The following TFCP2L1 variants were observed in gnomAD, a reference collection of about 807,000 sequenced individuals.
The protein encoded by TFCP2L1 is transcription factor CP2-like protein 1.
Under a neutral mutation model 72.2 loss-of-function variants are expected in TFCP2L1, and 12 were observed. The ratio of observed to expected loss-of-function variants is 0.17; its 90% CI spans 0.11 to 0.27. The LOEUF (loss-of-function observed/expected upper bound fraction) is 0.27. Among genes scored for constraint, TFCP2L1 ranks in the 10% least tolerant of loss-of-function variants. The probability of loss-of-function intolerance (pLI) is 1.00; values close to 1 mark genes in which losing one functional copy is unlikely to be tolerated. For synonymous variants in TFCP2L1, 260 were observed against 251.0 expected, an observed-to-expected ratio of 1.04 and a Z score of -0.34; for missense variants, 488 against 624.6, an observed-to-expected ratio of 0.78 and a Z score of 2.33.
rs142530154 is a variant in TFCP2L1 at position 121,221,607 on chromosome 2, C to T, written c.*2734G>A. The T allele has an allele frequency of 3.3e-5, 5 of 151,064 alleles. No homozygotes were observed. The East Asian group carries it at 5.8e-4, about 18-fold the overall frequency. The allele number at this position is 151,064 out of a possible 1,614,324, so 9.4% of individuals were successfully genotyped here. Reference sequence around the variant, plus strand: ...ATCACATCATATATAAAAATATACTCGAAATGGATCAAAGACCATTGTGAG... The same window carrying T: ...ATCACATCATATATAAAAATATACTTGAAATGGATCAAAGACCATTGTGAG... On this transcript the variant is annotated 3_prime_UTR_variant, in exon 15 of 15. Transcript: ENST00000263707.
intron 7 of TFCP2L1, among the ~76,000 whole-genome samples, 172 bp from the exon 8 acceptor site, chr2:121,239,821 G>A (rs936863167): frequency 2.0e-5 from 3 of 152,196 alleles, no homozygotes; most frequent in African/African-American, 7.2e-5. Flanking sequence ...GGTTACGAGG[G>A]CCACATGAAG....
At chr2:121,253,733 G>A (rs763705876) in intron 2 of TFCP2L1, among the ~76,000 whole-genome samples, 19 of 152,296 alleles carry the variant, frequency 1.2e-4, no homozygotes, top group African/African-American at 2.9e-4. Flanking sequence ...TGAGTGAGGC[G>A]TTAGGCCCAG....
chr2:121,278,032 T>C (rs972966730), intron 2 of TFCP2L1, among the ~76,000 whole-genome samples: 17 of 146,682 alleles, frequency 1.2e-4, no homozygotes, highest in South Asian at 6.5e-4. Context: ...TTTCTCTCTT[T>C]TTTTTTTTTT....
chr2:121,227,892 G>A (rs549603922), intron 13 of TFCP2L1, among the ~76,000 whole-genome samples: 1 of 152,246 alleles, frequency 6.6e-6, no homozygotes, highest in African/African-American at 2.4e-5. Context: ...CTAATGATGC[G>A]TGAAGTACAT....
intron 1 of TFCP2L1, 108 bp from the exon 2 acceptor site, chr2:121,281,379 A>G (rs1029351573): frequency 7.8e-7 from 1 of 1,288,634 alleles, no homozygotes; most frequent in African/African-American, 1.5e-5. Flanking sequence ...CCAGGGTGAC[A>G]CGGCACGCGC....
At chr2:121,249,986 T>C (rs1317247286) in intron 2 of TFCP2L1, among the ~76,000 whole-genome samples, 3 of 152,140 alleles carry the variant, frequency 2.0e-5, no homozygotes, top group Non-Finnish European at 2.9e-5. Flanking sequence ...AACCCCCCAA[T>C]ACAACGGGAT....
chr2:121,241,631 G>A lies in TFCP2L1; in HGVS notation c.768+728C>T, dbSNP rs1686370169. ...ATGCAACCAGACAGCAAAATAACAAGTGCTGACACCCTCCAACCCCAGAGA... is the reference window on the plus strand; with the variant it reads ...ATGCAACCAGACAGCAAAATAACAAATGCTGACACCCTCCAACCCCAGAGA... On this transcript the variant is annotated intron_variant, in intron 7 of 14. Coordinates refer to ENST00000263707, the MANE Select transcript of TFCP2L1 (RefSeq NM_014553.3). Among the ~76,000 whole-genome samples the A allele has an allele frequency of 2.0e-5, 3 of 152,088 alleles. No individual in the cohort carries two copies. In the South Asian group the frequency reaches 6.2e-4, roughly 32 times the overall value.
intron 1 of TFCP2L1, among the ~76,000 whole-genome samples, chr2:121,283,451 C>T (rs2104776522): frequency 6.6e-6 from 1 of 152,272 alleles, no homozygotes; most frequent in African/African-American, 2.4e-5. Context: ...TAAAAAAGGG[C>T]AAGGACTTCT....
At chr2:121,246,060 G>T (rs1477478007) in intron 6 of TFCP2L1, among the ~76,000 whole-genome samples, 1 of 152,230 alleles carries the variant, frequency 6.6e-6, no homozygotes, top group African/African-American at 2.4e-5. Flanking sequence ...CTCCTTCTCT[G>T]CAAACACCTG....
intron 1 of TFCP2L1, among the ~76,000 whole-genome samples, chr2:121,282,833 G>A (rs765745734): frequency 7.2e-5 from 11 of 152,052 alleles, no homozygotes; most frequent in Non-Finnish European, 1.6e-4. Context: ...CACAAACCCG[G>A]CACACACCCC....
intron 2 of TFCP2L1, among the ~76,000 whole-genome samples, chr2:121,263,240 T>C (rs1269633851): frequency 6.6e-6 from 1 of 152,182 alleles, no homozygotes; most frequent in African/African-American, 2.4e-5. Flanking sequence ...CTGGCCCTTT[T>C]CTATTTTATT....
At chr2:121,245,680 T>G (rs936950520) in intron 6 of TFCP2L1, among the ~76,000 whole-genome samples, 3 of 152,258 alleles carry the variant, frequency 2.0e-5, no homozygotes, top group African/African-American at 7.2e-5. Context: ...CTTCCTCTAC[T>G]GCAGCTGTGA....
At chr2:121,285,008 G>A in intron 1 of TFCP2L1, 40 bp downstream of exon 1, 1 of 1,447,106 alleles carries the variant, frequency 6.9e-7, no homozygotes, top group Non-Finnish European at 9.1e-7. Flanking sequence ...CGGCCCGCCG[G>A]CCCGGCCCGA....
At chr2:121,249,397 G>A (rs544133933) in intron 3 of TFCP2L1, among the ~76,000 whole-genome samples, 174 bp downstream of exon 3, 26 of 152,246 alleles carry the variant, frequency 1.7e-4, no homozygotes, top group African/African-American at 6.3e-4. Flanking sequence ...CCCCACCTGG[G>A]CAACAGGCTC....
At position 121,221,352 on chromosome 2, in the gene TFCP2L1, C is replaced by G. The variant is rs1183075528; in HGVS notation, c.*2989G>C. On this transcript the variant is annotated 3_prime_UTR_variant, in exon 15 of 15. Coordinates refer to ENST00000263707, the MANE Select transcript of TFCP2L1 (RefSeq NM_014553.3). ...CAGGTAAAGAGGGAGACAGCAAGAA[C>G]AGAGTAGAAAGGCAGCATAAAACTG... The G allele has an allele frequency of 2.0e-5, 3 of 149,358 alleles. No homozygotes were observed. The highest frequency in any genetic ancestry group is 6.7e-5 in the Admixed American group (1 of 14,902). 9.3% of individuals were successfully genotyped at this position (149,358 alleles called of 1,614,324 possible). A position where few individuals can be genotyped will look rare whatever the true frequency, so the allele number is the denominator to read the frequency against.
intron 13 of TFCP2L1, among the ~76,000 whole-genome samples, chr2:121,227,363 A>G (rs974596096): frequency 6.6e-6 from 1 of 152,192 alleles, no homozygotes; most frequent in African/African-American, 2.4e-5. Flanking sequence ...GCATTTCACA[A>G]TTTACATTTA....
At chr2:121,256,718 G>A (rs1208860982) in intron 2 of TFCP2L1, among the ~76,000 whole-genome samples, 2 of 152,108 alleles carry the variant, frequency 1.3e-5, no homozygotes, top group Non-Finnish European at 2.9e-5. Context: ...GGAGGTTGCA[G>A]TGAGGCAAGA....
intron 2 of TFCP2L1, among the ~76,000 whole-genome samples, chr2:121,275,568 C>CTTTTT (rs931104631): frequency 4.1e-5 from 5 of 121,744 alleles, no homozygotes; most frequent in African/African-American, 6.1e-5. Flanking sequence ...AGAAGTAAGT[C>CTTTTT]TTTTTTTTTT....
chr2:121,269,242 A>G (rs969701814), intron 2 of TFCP2L1, among the ~76,000 whole-genome samples: 1 of 151,760 alleles, frequency 6.6e-6, no homozygotes, highest in Non-Finnish European at 1.5e-5. Flanking sequence ...TGAGTCCAAG[A>G]GTTCGAGACC....
Sources: allele counts gnomAD v4.1 joint callset (sites outside exome capture counted in the v4.1 genomes callset), GRCh38; gene constraint gnomAD v4.1.1; transcripts MANE v1.5; gene names NCBI Gene and HGNC (gene_info 2026-07-23, HGNC 2026-07-21).